Variants in ADAM10 observed in about 807,000 individuals in gnomAD.
ADAM10 encodes ADAM metallopeptidase domain 10, also known as disintegrin and metalloproteinase domain-containing protein 10.
A neutral mutation model predicts 90.1 loss-of-function variants in ADAM10; 17 were observed. The observed-to-expected ratio is 0.19, with a 90% CI of 0.13 to 0.28. ADAM10 has a LOEUF of 0.28. Ranked by LOEUF, ADAM10 falls within the 10% of genes least tolerant of loss-of-function variation. The pLI is 1.00. For missense variants in ADAM10, 610 were observed against 914.3 expected, an observed-to-expected ratio of 0.67 and a Z score of 4.29; for synonymous variants, 310 against 298.6, an observed-to-expected ratio of 1.04 and a Z score of -0.40.
At chr15:58,603,700 T>C (rs1333675947) in intron 14 of ADAM10, among the ~76,000 whole-genome samples, 1 of 152,016 alleles carries the variant, frequency 6.6e-6, no homozygotes, top group Non-Finnish European at 1.5e-5. Context: ...ATTTCCAAGA[T>C]AGACCACTAT....
intron 2 of ADAM10, among the ~76,000 whole-genome samples, chr15:58,688,166 G>C (rs1897660715): frequency 6.6e-6 from 1 of 152,168 alleles, no homozygotes; most frequent in Admixed American, 6.5e-5. Flanking sequence ...CTGGGGGAAA[G>C]ATGTCCAGGA....
intron 8 of ADAM10, among the ~76,000 whole-genome samples, chr15:58,635,092 G>A (rs189468286): frequency 9.2e-5 from 14 of 151,616 alleles, no homozygotes; most frequent in East Asian, 5.8e-4. Flanking sequence ...AGAACATCTC[G>A]GTGAAACCCC....
chr15:58,606,250 A>AAT (rs1391087291), intron 14 of ADAM10, among the ~76,000 whole-genome samples: 1 of 152,166 alleles, frequency 6.6e-6, no homozygotes, highest in Non-Finnish European at 1.5e-5. Context: ...CTGGGCTTTG[A>AAT]ATATATACTC....
chr15:58,715,229 C>T (rs1163927585), intron 2 of ADAM10, among the ~76,000 whole-genome samples: 1 of 151,948 alleles, frequency 6.6e-6, no homozygotes, highest in Non-Finnish European at 1.5e-5. Context: ...CGAGACCAGC[C>T]TGGCCAACAT....
At chr15:58,670,040 G>C (rs1897159640) in intron 4 of ADAM10, among the ~76,000 whole-genome samples, 1 of 152,054 alleles carries the variant, frequency 6.6e-6, no homozygotes, top group South Asian at 2.1e-4. Context: ...TAGTTTCACA[G>C]ACATAAACAT....
At chr15:58,710,677 T>C (rs1876253941) in intron 2 of ADAM10, among the ~76,000 whole-genome samples, 2 of 151,790 alleles carry the variant, frequency 1.3e-5, no homozygotes, top group African/African-American at 4.8e-5. Context: ...TTGGGAATTT[T>C]TGCTCAAATT....
At chr15:58,698,941 C>A (rs1898054654) in intron 2 of ADAM10, among the ~76,000 whole-genome samples, 2 of 152,256 alleles carry the variant, frequency 1.3e-5, no homozygotes, top group African/African-American at 4.8e-5. Flanking sequence ...ATATAGGAAC[C>A]TCAGAGACCT....
intron 10 of ADAM10, among the ~76,000 whole-genome samples, chr15:58,622,796 C>G (rs868008159): frequency 2.6e-5 from 4 of 152,164 alleles, no homozygotes; most frequent in African/African-American, 9.7e-5. Flanking sequence ...AAATGCTCCT[C>G]TTTGTAAGAT....
chr15:58,671,940 A>T (rs1267073173), intron 4 of ADAM10, among the ~76,000 whole-genome samples: 1 of 152,106 alleles, frequency 6.6e-6, no homozygotes, highest in Non-Finnish European at 1.5e-5. Context: ...AAAGACATGG[A>T]TCCATGTCAT....
rs1235188381 is a variant in ADAM10, at chr15:58,591,522, C to T, written c.*6025G>A. The T allele has an allele frequency of 6.6e-6, 1 of 152,090 alleles. No homozygotes were observed. Among genetic ancestry groups the T allele is most frequent in the East Asian group, 1.9e-4 (1 of 5,198 alleles). The allele number at this position is 152,090 out of a possible 1,614,324, so 9.4% of individuals were successfully genotyped here. A position where few individuals can be genotyped will look rare whatever the true frequency, so the allele number is the denominator to read the frequency against. ...AAGTGATCCTCCCACCTTGGCCTCC[C>T]AAAGTGTTGGGATTACAGGTATGAG... On this transcript the variant is annotated 3_prime_UTR_variant, in exon 16 of 16. Coordinates refer to ENST00000260408, the MANE Select transcript of ADAM10 (RefSeq NM_001110.4).
At position 58,655,696 on chromosome 15, in the gene ADAM10, G is replaced by GTA. The variant is rs1245391987; in HGVS notation, c.585+9399_585+9400dup. 7.0e-4 allele frequency among the ~76,000 whole-genome samples: 48 copies of GTA among 68,252 alleles called. 4 individuals are homozygous for GTA. The highest frequency in any genetic ancestry group is 2.0e-3 in the Admixed American group (10 of 4,948). 44.8% of individuals were successfully genotyped at this position (68,252 alleles called of 152,430 possible). ...TACATACATATATATATTATATATAGTATATATATATATAGTATATATATA... is the reference window on the plus strand; with the variant it reads ...TACATACATATATATATTATATATAGTATATATATATATATAGTATATATATA... On this transcript the variant is annotated intron_variant, in intron 5 of 15. Transcript: ENST00000260408.
intron 1 of ADAM10, among the ~76,000 whole-genome samples, chr15:58,734,086 CTATTT>C (rs1444307481): frequency 1.3e-5 from 2 of 152,016 alleles, no homozygotes. Flanking sequence ...ACTATATATC[CTATTT>C]TATTTTTAAA....
intron 4 of ADAM10, among the ~76,000 whole-genome samples, chr15:58,678,169 A>G (rs1897336851): frequency 6.6e-6 from 1 of 152,214 alleles, no homozygotes; most frequent in Non-Finnish European, 1.5e-5. Context: ...GTAGCTAAAA[A>G]TCATAAATGC....
intron 14 of ADAM10, among the ~76,000 whole-genome samples, chr15:58,606,682 A>C (rs762907946): frequency 6.6e-6 from 1 of 152,234 alleles, no homozygotes; most frequent in African/African-American, 2.4e-5. Flanking sequence ...AAGGAGTCAC[A>C]TATCACAGAG....
In ADAM10 at chr15:58,651,347, T is replaced by C. The variant is rs192082351; in HGVS notation, c.586-5143A>G. 7.3e-3 allele frequency among the ~76,000 whole-genome samples: 1,115 copies of C among 152,252 alleles called. 17 individuals are homozygous for C. Among genetic ancestry groups the C allele is most frequent in the African/African-American group, 0.026 (1,061 of 41,538 alleles). On this transcript the variant is annotated intron_variant, in intron 5 of 15. Coordinates refer to ENST00000260408, the MANE Select transcript of ADAM10 (RefSeq NM_001110.4). Reference sequence around the variant, plus strand: ...CTGTGCTTTCAAATACTAGGTCTTATTCATTCTTTCTAACATGTTTTTGTG... The same window carrying C: ...CTGTGCTTTCAAATACTAGGTCTTACTCATTCTTTCTAACATGTTTTTGTG...
chr15:58,735,151 C>G (rs2140842246), intron 1 of ADAM10, among the ~76,000 whole-genome samples: 1 of 152,228 alleles, frequency 6.6e-6, no homozygotes, highest in Non-Finnish European at 1.5e-5. Flanking sequence ...GGCCTCTGAC[C>G]CACTCACCTT....
chr15:58,599,579 CT>C lies in ADAM10; in HGVS notation c.2152+18del. ...AATTCTGAGTTACATAAATATGTAT[CT>C]TGCTCAAATATTCTTACCTGGAAGT... is the stretch of plus-strand genomic sequence containing the variant. On this transcript the variant is annotated intron_variant, in intron 15 of 15. Coordinates refer to ENST00000260408, the MANE Select transcript of ADAM10 (RefSeq NM_001110.4). The C allele has an allele frequency of 6.2e-7, 1 of 1,612,008 alleles. No homozygotes were observed. The highest frequency in any genetic ancestry group is 2.2e-5 in the East Asian group (1 of 44,712).
chr15:58,690,725 G>C (rs1364888052), intron 2 of ADAM10, among the ~76,000 whole-genome samples: 1 of 152,128 alleles, frequency 6.6e-6, no homozygotes, highest in East Asian at 1.9e-4. Context: ...AGGTTTGCAG[G>C]TATAAACTCT....
At chr15:58,709,522 T>G (rs1898406521) in intron 2 of ADAM10, among the ~76,000 whole-genome samples, 1 of 152,086 alleles carries the variant, frequency 6.6e-6, no homozygotes, top group African/African-American at 2.4e-5. Context: ...GCAGATCATC[T>G]GAGGTCAGGA....
Sources: gnomAD v4.1 joint callset for allele counts (sites outside exome capture counted in the v4.1 genomes callset) on GRCh38, gnomAD v4.1.1 for gene constraint, MANE v1.5 for transcripts, NCBI Gene and HGNC (gene_info 2026-07-23, HGNC 2026-07-21) for gene names.